The following CASTOR2 variants were observed in gnomAD, a reference collection of about 807,000 sequenced individuals.
The protein encoded by CASTOR2 is GATS protein like 2.
In CASTOR2, 8 loss-of-function variants were observed where a neutral mutation model predicts 31.2. That is an observed-to-expected ratio of 0.26 (90% CI 0.15 to 0.46). CASTOR2 has a LOEUF of 0.46. CASTOR2 is among the 20% of genes least tolerant of loss of function. CASTOR2 has a pLI of 0.99. For missense variants in CASTOR2, 216 were observed against 382.1 expected (o/e 0.57, Z 3.62); for synonymous variants, 162 against 158.7 (o/e 1.02, Z -0.16).
chr7:75,007,936 C>T lies in CASTOR2; in HGVS notation c.114-58C>T. The T allele has an allele frequency of 2.5e-6, 4 of 1,611,998 alleles. No individual in the cohort carries two copies. The South Asian group carries it at 4.4e-5, about 18-fold the overall frequency. On this transcript the variant is annotated intron_variant, in intron 1 of 8. Transcript: ENST00000616305. ...TCATCCCCAGGGCACGGGTGGGCAG[C>T]TGCCCCAGGGGACCTGCCTGGACTA...
chr7:74,974,269 G>C (rs1362442905), intron 1 of CASTOR2, among the ~76,000 whole-genome samples: 1 of 147,562 alleles, frequency 6.8e-6, no homozygotes, highest in South Asian at 2.2e-4. Flanking sequence ...GTCCTGTGGC[G>C]GGTGCAAATT....
chr7:75,024,725 C>T lies in CASTOR2; in HGVS notation c.*26C>T, dbSNP rs1034718364. The stretch of plus-strand genomic sequence containing the variant: ...AAGGGTCTCTTCTGCTCCTCCCTGC[C>T]GCCGCCCGGGCCCAGCCCTAACCCT... On this transcript the variant is annotated 3_prime_UTR_variant, in exon 9 of 9. Transcript: ENST00000616305. 1,619 of 1,551,550 alleles carry T rather than the reference C, an allele frequency of 1.0e-3. 2 individuals carry two copies. Among genetic ancestry groups the T allele is most frequent in the Non-Finnish European group, 1.3e-3 (1,482 of 1,146,838 alleles).
At chr7:74,990,246 G>T (rs587775199) in intron 1 of CASTOR2, among the ~76,000 whole-genome samples, 2 of 151,986 alleles carry the variant, frequency 1.3e-5, no homozygotes, top group South Asian at 2.1e-4. Flanking sequence ...AAATTAGCCG[G>T]GCATGGTAGT....
At position 75,026,742 on chromosome 7, in the gene CASTOR2, C is replaced by T. The variant is rs1024113261; in HGVS notation, c.*2043C>T. On this transcript the variant is annotated 3_prime_UTR_variant, in exon 9 of 9. Coordinates refer to ENST00000616305, the MANE Select transcript of CASTOR2 (RefSeq NM_001145064.3). Reference sequence around the variant, plus strand: ...ATTGCTGGTCCCAAAAGGGAGGTGGCCAAGTGGGGCAGGGCTGTGGTGGAA... The same window carrying T: ...ATTGCTGGTCCCAAAAGGGAGGTGGTCAAGTGGGGCAGGGCTGTGGTGGAA... Among the ~76,000 whole-genome samples the T allele has an allele frequency of 6.6e-5, 10 of 152,142 alleles. No homozygotes were observed. The highest frequency in any genetic ancestry group is 2.2e-4 in the African/African-American group (9 of 41,496).
intron 2 of CASTOR2, among the ~76,000 whole-genome samples, chr7:75,014,887 G>A (rs1176143715): frequency 6.6e-6 from 1 of 152,244 alleles, no homozygotes; most frequent in Non-Finnish European, 1.5e-5. Flanking sequence ...CCACCTCGGA[G>A]GCTATATCAG....
intron 2 of CASTOR2, among the ~76,000 whole-genome samples, chr7:75,015,838 G>C (rs1247283507): frequency 6.6e-6 from 1 of 152,072 alleles, no homozygotes; most frequent in Non-Finnish European, 1.5e-5. Context: ...AGGCCAAGGC[G>C]GGTGGATCAC....
chr7:74,969,336 G>A (rs587707811), intron 1 of CASTOR2, among the ~76,000 whole-genome samples: 4,442 of 83,970 alleles, frequency 0.053, 1 homozygote, highest in Non-Finnish European at 0.069. Flanking sequence ...AGGCCGGAGT[G>A]CAGTGGCGTG....
rs905878566 is a variant in CASTOR2, at chr7:75,026,336, C to T, written c.*1637C>T. Among the ~76,000 whole-genome samples the T allele has an allele frequency of 4.6e-5, 7 of 151,656 alleles. No individual in the cohort carries two copies. Among genetic ancestry groups the T allele is most frequent in the African/African-American group, 1.5e-4 (6 of 41,244 alleles). ...TCCCAAGTAGCTGGGATTACAGGCA[C>T]GCACCACCACGTCTGGCTAGTTATT... On this transcript the variant is annotated 3_prime_UTR_variant, in exon 9 of 9. Coordinates refer to ENST00000616305, the MANE Select transcript of CASTOR2 (RefSeq NM_001145064.3).
Position 75,018,031 on chromosome 7 carries a change from A to G in CASTOR2, c.420A>G (p.Ser140=). Residue 140 remains serine, a synonymous_variant, in exon 4 of 9, where the codon TCA becomes TCG. Transcript: ENST00000616305. ...TGCCCTTTGTCACCCACACATTGTC[A>G]TCAGAGTTCACCATCCTGCGGGTCG... ...RDLPFVTHTL[S]SEFTILRVVN... 1.9e-6 allele frequency: 3 copies of G among 1,614,178 alleles called. No homozygotes were observed. Among genetic ancestry groups the G allele is most frequent in the Non-Finnish European group, 1.7e-6 (2 of 1,180,026 alleles).
Position 75,028,112 on chromosome 7 carries a change from T to TG in CASTOR2, c.*3415dup. 6.9e-7 allele frequency: 1 copy of TG among 1,443,156 alleles called. No individual in the cohort carries two copies. Among genetic ancestry groups the TG allele is most frequent in the Non-Finnish European group, 9.1e-7 (1 of 1,101,374 alleles). The allele number at this position is 1,443,156 out of a possible 1,614,324, so 89.4% of individuals were successfully genotyped here. On this transcript the variant is annotated 3_prime_UTR_variant, in exon 9 of 9. Transcript: ENST00000616305. ...GGGAGGAAGAGGGCTCTCTATGATG[T>TG]GGAATTTTTTTTTTTTTTTTTTTGA...
In CASTOR2 at chr7:75,027,909, G is replaced by C. The variant is rs902981204; in HGVS notation, c.*3210G>C. The C allele has an allele frequency of 6.4e-6, 7 of 1,094,522 alleles. No individual in the cohort carries two copies. The African/African-American group carries it at 9.3e-5, about 15-fold the overall frequency. 67.8% of individuals were successfully genotyped at this position (1,094,522 alleles called of 1,614,324 possible). On this transcript the variant is annotated 3_prime_UTR_variant, in exon 9 of 9. Transcript: ENST00000616305. ...TTGTCCCCCAGCTATCTCCTGGTCT[G>C]CTGGGTGGGAGGGTCTCTCCAGGCC...
intron 1 of CASTOR2, among the ~76,000 whole-genome samples, chr7:75,007,091 C>G (rs1348041212): frequency 1.3e-5 from 2 of 152,146 alleles, no homozygotes; most frequent in African/African-American, 4.8e-5. Flanking sequence ...GGGTCAGTTT[C>G]CTGCAAGCCT....
chr7:75,016,906 C>G (rs1804875760), intron 2 of CASTOR2, among the ~76,000 whole-genome samples: 1 of 152,210 alleles, frequency 6.6e-6, no homozygotes, highest in African/African-American at 2.4e-5. Context: ...GTGGCTCACG[C>G]CTGTAATCCT....
chr7:75,006,217 A>C (rs1804602200), intron 1 of CASTOR2, among the ~76,000 whole-genome samples: 1 of 152,170 alleles, frequency 6.6e-6, no homozygotes, highest in African/African-American at 2.4e-5. Context: ...CCAGGCGTTC[A>C]AGGCTTCCAT....
In CASTOR2 at chr7:75,028,941, C is replaced by T. The variant is rs1805220353; in HGVS notation, c.*4242C>T. 6.6e-6 allele frequency among the ~76,000 whole-genome samples: 1 copy of T among 152,232 alleles called. No homozygotes were observed. Among genetic ancestry groups the T allele is most frequent in the African/African-American group, 2.4e-5 (1 of 41,462 alleles). On this transcript the variant is annotated 3_prime_UTR_variant, in exon 9 of 9. Transcript: ENST00000616305. Reference sequence around the variant, plus strand: ...CCTCTCACCTCCAGGCACCAGGCTGCTGGTGGGAAAGGAAGGAGCTGGGGG... The same window carrying T: ...CCTCTCACCTCCAGGCACCAGGCTGTTGGTGGGAAAGGAAGGAGCTGGGGG...
In CASTOR2 at chr7:75,015,776, C is replaced by T. The variant is rs1263938219; in HGVS notation, c.185-1822C>T. Among the ~76,000 whole-genome samples, 10 of 152,072 alleles carry T rather than the reference C, an allele frequency of 6.6e-5. No homozygotes were observed. In the East Asian group the frequency reaches 1.7e-3, roughly 27 times the overall value. On this transcript the variant is annotated intron_variant, in intron 2 of 8. Coordinates refer to ENST00000616305, the MANE Select transcript of CASTOR2 (RefSeq NM_001145064.3). ...GTTGAGTGTACGGTGAGCAAAATAA[C>T]CCTGCCTCGGCCAGGCGCGGTGGCT...
intron 5 of CASTOR2, among the ~76,000 whole-genome samples, chr7:75,019,724 A>G (rs1584477429): frequency 6.6e-6 from 1 of 152,214 alleles, no homozygotes. Context: ...TGTAAAGTTT[A>G]GGCCAACACG....
chr7:75,026,506 G>A lies in CASTOR2; in HGVS notation c.*1807G>A, dbSNP rs1805137035. Among the ~76,000 whole-genome samples the A allele has an allele frequency of 6.6e-6, 1 of 152,130 alleles. No individual in the cohort carries two copies. The highest frequency in any genetic ancestry group is 2.4e-5 in the African/African-American group (1 of 41,440). On this transcript the variant is annotated 3_prime_UTR_variant, in exon 9 of 9. Coordinates refer to ENST00000616305, the MANE Select transcript of CASTOR2 (RefSeq NM_001145064.3). ...CACCCAGCCGAGTTGTGCTGTTTCT[G>A]TGGTCAGAGGAGAAGGGATATTTTC...
At chr7:74,972,197 C>T (rs1177639128) in intron 1 of CASTOR2, among the ~76,000 whole-genome samples, 2 of 145,170 alleles carry the variant, frequency 1.4e-5, no homozygotes, top group African/African-American at 2.5e-5. Context: ...GTTGTCCAGA[C>T]TGGTCTTGAA....
Sources: allele counts gnomAD v4.1 joint callset (sites outside exome capture counted in the v4.1 genomes callset), GRCh38; gene constraint gnomAD v4.1.1; transcripts MANE v1.5; gene names NCBI Gene and HGNC (gene_info 2026-07-23, HGNC 2026-07-21).